Variants in NR5A2 observed in about 807,000 individuals in gnomAD.
NR5A2 encodes the protein CYP7A promoter-binding factor.
NR5A2 carries 26 observed loss-of-function variants against 62.7 expected under a neutral mutation model. The observed-to-expected ratio is 0.41, with a 90% confidence interval of 0.30 to 0.58. NR5A2 has a LOEUF of 0.58. Ranked by LOEUF, NR5A2 falls within the 20% of genes least tolerant of loss-of-function variation. The pLI is 0.22. For missense variants in NR5A2, 541 were observed against 669.1 expected, an observed-to-expected ratio of 0.81 and a Z score of 2.11; for synonymous variants, 246 against 241.7, an observed-to-expected ratio of 1.02 and a Z score of -0.16.
chr1:200,148,576 G>C (rs1414316184), intron 7 of NR5A2, among the ~76,000 whole-genome samples: 1 of 152,216 alleles, frequency 6.6e-6, no homozygotes, highest in African/African-American at 2.4e-5. Context: ...GGGGGCCAGA[G>C]AGGATACATA....
rs1264668304 is a variant in NR5A2, at chr1:200,095,550, C to G, written c.1111-15652C>G. Among the ~76,000 whole-genome samples the G allele has an allele frequency of 2.6e-5, 4 of 152,000 alleles. No individual in the cohort carries two copies. In the East Asian group the frequency reaches 7.7e-4, roughly 29 times the overall value. ...CTAAGTAAAAGTCCTTAACCATCAC[C>G]AAGTAATATATTTTTTTTTTGAGAT... On this transcript the variant is annotated intron_variant, in intron 5 of 7. Coordinates refer to ENST00000367362, the MANE Select transcript of NR5A2 (RefSeq NM_205860.3).
chr1:200,149,744 G>A (rs1300648285), intron 7 of NR5A2, among the ~76,000 whole-genome samples: 1 of 152,190 alleles, frequency 6.6e-6, no homozygotes, highest in Non-Finnish European at 1.5e-5. Context: ...CTCATCAACA[G>A]GGAACTCATC....
intron 7 of NR5A2, among the ~76,000 whole-genome samples, chr1:200,140,953 C>A (rs900295527): frequency 1.3e-5 from 2 of 152,116 alleles, no homozygotes; most frequent in Admixed American, 1.3e-4. Flanking sequence ...ATTGCTTGAA[C>A]CTGGGAGGTG....
chr1:200,162,514 A>G (rs1653686497), intron 7 of NR5A2, among the ~76,000 whole-genome samples: 1 of 152,196 alleles, frequency 6.6e-6, no homozygotes, highest in Admixed American at 6.5e-5. Flanking sequence ...AATGATTTTA[A>G]GCAGAGGGAA....
chr1:200,039,903 G>A lies in NR5A2; in HGVS notation c.202+108G>A. 2 of 1,310,046 alleles carry A rather than the reference G, an allele frequency of 1.5e-6. No individual in the cohort carries two copies. Among genetic ancestry groups the A allele is most frequent in the East Asian group, 3.0e-5 (1 of 33,472 alleles). The allele number at this position is 1,310,046 out of a possible 1,614,324, so 81.2% of individuals were successfully genotyped here. ...GCGCGGGCGCGGGAGTAGCCCCGCT[G>A]GGCGCTCGCAGCCGCGGGAGTCAAG... On this transcript the variant is annotated intron_variant, in intron 2 of 7. Transcript: ENST00000367362. The surrounding 1 kb of genome is among the most constrained non-coding windows in gnomAD (Gnocchi z 5.1).
At chr1:200,109,485 C>A (rs1038853200) in intron 5 of NR5A2, among the ~76,000 whole-genome samples, 7 of 152,138 alleles carry the variant, frequency 4.6e-5, no homozygotes, top group African/African-American at 1.7e-4. Context: ...AATTAAGTAG[C>A]TTGGCCAAGC....
At chr1:200,060,550 G>A (rs762715590) in intron 5 of NR5A2, among the ~76,000 whole-genome samples, 11 of 152,088 alleles carry the variant, frequency 7.2e-5, no homozygotes, top group Non-Finnish European at 1.2e-4. Flanking sequence ...TGGATCCCAC[G>A]AAGTCAATGC....
At chr1:200,090,881 A>C (rs892230090) in intron 5 of NR5A2, among the ~76,000 whole-genome samples, 1 of 152,172 alleles carries the variant, frequency 6.6e-6, no homozygotes, top group Admixed American at 6.5e-5. Context: ...ATTCACGTAC[A>C]CAATAAATCA....
At chr1:200,116,865 A>G (rs940929357) in intron 6 of NR5A2, among the ~76,000 whole-genome samples, 2 of 152,204 alleles carry the variant, frequency 1.3e-5, no homozygotes, top group Admixed American at 6.5e-5. Context: ...ATGTACTTTG[A>G]AGTGGGGTCA....
At position 200,109,654 on chromosome 1, in the gene NR5A2, T is replaced by A. The variant is rs1665848217; in HGVS notation, c.1111-1548T>A. ...TCAGTGACAGCTATTCAGAGTCTTA[T>A]GGAATGGCCACATAAAAATGAATTT... On this transcript the variant is annotated intron_variant, in intron 5 of 7. Transcript: ENST00000367362. Among the ~76,000 whole-genome samples, 2 of 152,214 alleles carry A rather than the reference T, an allele frequency of 1.3e-5. 1 individual carries two copies. Among genetic ancestry groups the A allele is most frequent in the South Asian group, 4.1e-4 (2 of 4,824 alleles).
At chr1:200,092,428 C>A (rs904733273) in intron 5 of NR5A2, among the ~76,000 whole-genome samples, 1 of 152,174 alleles carries the variant, frequency 6.6e-6, no homozygotes, top group Non-Finnish European at 1.5e-5. Flanking sequence ...ATTTGTACCA[C>A]TAGGCAAAGG....
chr1:200,046,165 A>C (rs1662350376), intron 4 of NR5A2, among the ~76,000 whole-genome samples: 1 of 152,186 alleles, frequency 6.6e-6, no homozygotes, highest in South Asian at 2.1e-4. Context: ...TAAAAAATTG[A>C]GAATCAGGAA....
At chr1:200,066,439 T>G (rs1409493313) in intron 5 of NR5A2, among the ~76,000 whole-genome samples, 2 of 152,114 alleles carry the variant, frequency 1.3e-5, no homozygotes, top group African/African-American at 2.4e-5. Flanking sequence ...ATGTCACCTT[T>G]GGGAACTATT....
In NR5A2 at chr1:200,144,233, T is replaced by TCTCA. The variant is rs1446217306; in HGVS notation, c.1378+23279_1378+23280insTCAC. On this transcript the variant is annotated intron_variant, in intron 7 of 7. Coordinates refer to ENST00000367362, the MANE Select transcript of NR5A2 (RefSeq NM_205860.3). Reference sequence around the variant, plus strand: ...CACTGTTTCTCTCTCTCTCTCTCTCTCACACACACACACACACACACACAC... The same window carrying TCTCA: ...CACTGTTTCTCTCTCTCTCTCTCTCTCTCACACACACACACACACACACACACAC... Among the ~76,000 whole-genome samples, 786 of 80,066 alleles carry TCTCA rather than the reference T, an allele frequency of 9.8e-3. 13 individuals carry two copies. The highest frequency in any genetic ancestry group is 0.031 in the African/African-American group (744 of 23,882). 52.5% of individuals were successfully genotyped at this position (80,066 alleles called of 152,430 possible).
chr1:200,131,518 A>G (rs1327124332), intron 7 of NR5A2, among the ~76,000 whole-genome samples: 3 of 152,236 alleles, frequency 2.0e-5, no homozygotes, highest in Non-Finnish European at 4.4e-5. Flanking sequence ...TCAGAGACAT[A>G]TTGGCCAGGC....
In NR5A2 at chr1:200,048,475, A is replaced by G. The variant is rs1270429680; in HGVS notation, c.767A>G (p.Gln256Arg). 6.2e-7 allele frequency: 1 copy of G among 1,614,222 alleles called. No homozygotes were observed. The highest frequency in any genetic ancestry group is 1.1e-5 in the South Asian group (1 of 91,084). ...ACAATGCCCCCTCACGGCAGCCTGC[A>G]AGGTTACCAAACATATGGCCACTTT... is the stretch of plus-strand genomic sequence containing the variant. ...SMTMPPHGSLQGYQTYGHFPS... is the reference protein window; with the variant it reads ...SMTMPPHGSLRGYQTYGHFPS... The change falls in exon 5 of 8, where the codon CAA becomes CGA. Residue 256 changes from glutamine (Q) to arginine (R), a missense_variant. By Grantham distance (43) the Gln-to-Arg change is conservative. Coordinates refer to ENST00000367362, the MANE Select transcript of NR5A2 (RefSeq NM_205860.3). The surrounding 1 kb of genome is among the most constrained non-coding windows in gnomAD (Gnocchi z 4.8).
At position 200,120,802 on chromosome 1, in the gene NR5A2, T is replaced by C. The variant is rs1558151238; in HGVS notation, c.1231-6T>C. The C allele has an allele frequency of 1.3e-6, 2 of 1,533,214 alleles. No individual in the cohort carries two copies. Among genetic ancestry groups the C allele is most frequent in the Non-Finnish European group, 1.7e-6 (2 of 1,144,822 alleles). The allele number at this position is 1,533,214 out of a possible 1,614,324, so 95.0% of individuals were successfully genotyped here. ...TAGTCCTTAAAACTGTGATTCTGTATTGCAGGTGGACTATTCCATAATAGC... is the reference window on the plus strand; with the variant it reads ...TAGTCCTTAAAACTGTGATTCTGTACTGCAGGTGGACTATTCCATAATAGC... On this transcript the variant is annotated splice_region_variant and splice_polypyrimidine_tract_variant and intron_variant, in intron 6 of 7. Coordinates refer to ENST00000367362, the MANE Select transcript of NR5A2 (RefSeq NM_205860.3).
chr1:200,081,532 C>T (rs1664291757), intron 5 of NR5A2, among the ~76,000 whole-genome samples: 1 of 152,218 alleles, frequency 6.6e-6, no homozygotes, highest in South Asian at 2.1e-4. Context: ...AGATGGACAC[C>T]TCCATAAGCT....
At chr1:200,162,571 T>C (rs1224511898) in intron 7 of NR5A2, among the ~76,000 whole-genome samples, 3 of 152,116 alleles carry the variant, frequency 2.0e-5, no homozygotes. Context: ...ACTCATGCTG[T>C]TGTGAGGAAA....
Sources: gnomAD v4.1 joint callset for allele counts (sites outside exome capture counted in the v4.1 genomes callset) on GRCh38, gnomAD v4.1.1 for gene constraint, Gnocchi (gnomAD v3.1) non-coding constraint, MANE v1.5 for transcripts, NCBI Gene and HGNC (gene_info 2026-07-23, HGNC 2026-07-21) for gene names.